Variants in DAPK2 observed in about 807,000 individuals in gnomAD.
DAPK2 encodes death-associated protein kinase 2.
In DAPK2, 35 loss-of-function variants were observed where a neutral mutation model predicts 44.1. The observed-to-expected ratio is 0.79, with a 90% CI of 0.61 to 1.05. DAPK2 has a LOEUF of 1.05. Among genes scored for constraint, DAPK2 ranks in the 50% least tolerant of loss-of-function variants. The pLI is 0.00. For missense variants in DAPK2, 453 were observed against 483.2 expected, an observed-to-expected ratio of 0.94 and a Z score of 0.59; for synonymous variants, 174 against 182.6, an observed-to-expected ratio of 0.95 and a Z score of 0.38.
intron 1 of DAPK2, among the ~76,000 whole-genome samples, chr15:63,984,518 G>A (rs571395715): frequency 6.6e-6 from 1 of 152,114 alleles, no homozygotes; most frequent in African/African-American, 2.4e-5. Context: ...TGCTCCAGGG[G>A]CCCTCCCCAC....
Position 63,990,304 on chromosome 15 carries a change from C to G in DAPK2, c.93-6550G>C, listed in dbSNP as rs1376790723. On this transcript the variant is annotated intron_variant, in intron 1 of 10. Coordinates refer to ENST00000261891, the Ensembl canonical transcript of DAPK2. This position sits in a 1 kb window ranked among gnomAD's most constrained non-coding sequence, Gnocchi z 4.3. ...ATTAGCTGGGCATGGTGGTGCACAC[C>G]TGTAGTCCCAACTACTCGAAGGGTG... is the stretch of plus-strand genomic sequence containing the variant. 2.6e-5 allele frequency among the ~76,000 whole-genome samples: 4 copies of G among 152,122 alleles called. No individual in the cohort carries two copies. The East Asian group carries it at 7.7e-4, about 29-fold the overall frequency.
intron 4 of DAPK2, among the ~76,000 whole-genome samples, chr15:63,934,584 G>A (rs2077084068): frequency 6.6e-6 from 1 of 151,358 alleles, no homozygotes; most frequent in South Asian, 2.1e-4. Flanking sequence ...TTTTGAGACA[G>A]ACTCTCACTG....
chr15:64,001,357 C>T (rs2079080771), intron 1 of DAPK2, among the ~76,000 whole-genome samples: 1 of 152,160 alleles, frequency 6.6e-6, no homozygotes, highest in Non-Finnish European at 1.5e-5. Context: ...AGAACAGTTA[C>T]CGTATGTGAT....
chr15:63,980,260 A>C lies in DAPK2; in HGVS notation c.314+3273T>G, dbSNP rs2078465922. Among the ~76,000 whole-genome samples, 1 of 152,204 alleles carries C rather than the reference A, an allele frequency of 6.6e-6. No homozygotes were observed. The highest frequency in any genetic ancestry group is 1.9e-4 in the East Asian group (1 of 5,202). On this transcript the variant is annotated intron_variant, in intron 2 of 10. Coordinates refer to ENST00000261891, the Ensembl canonical transcript of DAPK2. This position sits in a 1 kb window ranked among gnomAD's most constrained non-coding sequence, Gnocchi z 4.3. Reference sequence around the variant, plus strand: ...GAGCCCTGTTGGGAAAAACACAGACATCTCAAGAGCATTTACCTGCCACAT... The same window carrying C: ...GAGCCCTGTTGGGAAAAACACAGACCTCTCAAGAGCATTTACCTGCCACAT...
rs751637753 is a variant in DAPK2, at chr15:63,971,577, G to T, written c.315-16C>A. 1.1e-5 allele frequency: 17 copies of T among 1,612,828 alleles called. No individual in the cohort carries two copies. The highest frequency in any genetic ancestry group is 1.4e-5 in the Non-Finnish European group (16 of 1,179,352). On this transcript the variant is annotated splice_polypyrimidine_tract_variant and intron_variant, in intron 2 of 10. Coordinates refer to ENST00000261891, the Ensembl canonical transcript of DAPK2. ...TCCAGACACTCTGTAAAACACCAGCGGGGGGAGGGGAGGCCCAGGCCCAGT... is the reference window on the plus strand; with the variant it reads ...TCCAGACACTCTGTAAAACACCAGCTGGGGGAGGGGAGGCCCAGGCCCAGT...
chr15:63,928,939 A>G (rs2140358141), intron 6 of DAPK2, among the ~76,000 whole-genome samples: 1 of 152,338 alleles, frequency 6.6e-6, no homozygotes, highest in South Asian at 2.1e-4. Context: ...ACAGTGGCTC[A>G]TACCTGTAAT....
At chr15:63,921,627 C>T (rs11635779) in intron 8 of DAPK2, 70,163 of 152,092 alleles carry the variant, frequency 0.46, 17,796 homozygotes, top group East Asian at 0.94. Context: ...TGTGGCCTTG[C>T]GCTTCCCCAT....
rs575388787 is a variant in DAPK2 at position 64,018,209 on chromosome 15, C to T, written c.92+21961G>A. Among the ~76,000 whole-genome samples the T allele has an allele frequency of 4.6e-5, 7 of 152,218 alleles. No individual in the cohort carries two copies. The South Asian group carries it at 6.2e-4, about 14-fold the overall frequency. On this transcript the variant is annotated intron_variant, in intron 1 of 10. Transcript: ENST00000261891. ...GCAGGCCCCTGGTTCCCTGGTGAGG[C>T]GGGCAGACAAGCATTCTCAAATGAC...
At chr15:64,000,190 CACACACACACACA>C (rs1214274414) in intron 1 of DAPK2, among the ~76,000 whole-genome samples, 2 of 57,514 alleles carry the variant, frequency 3.5e-5, no homozygotes, top group African/African-American at 6.8e-5. Flanking sequence ...TACTACTACA[CACACACACACACA>C]CACACACACA....
At chr15:63,988,128 C>T (rs2078715119) in intron 1 of DAPK2, among the ~76,000 whole-genome samples, 1 of 152,144 alleles carries the variant, frequency 6.6e-6, no homozygotes, top group Non-Finnish European at 1.5e-5. Context: ...GTCAGGAACA[C>T]ACCCCTCTTC....
At chr15:64,026,651 G>A (rs1001790947) in intron 1 of DAPK2, among the ~76,000 whole-genome samples, 20 of 152,130 alleles carry the variant, frequency 1.3e-4, no homozygotes, top group African/African-American at 3.9e-4. Context: ...TACCTGCTTC[G>A]CCAAATGGTA....
At chr15:63,949,386 G>A (rs1489941888) in intron 3 of DAPK2, among the ~76,000 whole-genome samples, 1 of 152,144 alleles carries the variant, frequency 6.6e-6, no homozygotes, top group South Asian at 2.1e-4. Context: ...TTCAGTCCTG[G>A]GCTAAGCAGC....
chr15:63,952,106 G>A (rs966789577), intron 3 of DAPK2, among the ~76,000 whole-genome samples: 3 of 152,168 alleles, frequency 2.0e-5, no homozygotes, highest in African/African-American at 7.2e-5. Context: ...CAGGCGTGGT[G>A]ACAGATGCCT....
At chr15:63,956,590 A>AT (rs1006073091) in intron 3 of DAPK2, among the ~76,000 whole-genome samples, 227 of 143,698 alleles carry the variant, frequency 1.6e-3, no homozygotes, top group East Asian at 2.2e-3. Flanking sequence ...TTCAATTTAA[A>AT]TTTTTTTTTT....
At chr15:63,934,700 A>C (rs1480851966) in intron 4 of DAPK2, among the ~76,000 whole-genome samples, 1 of 152,036 alleles carries the variant, frequency 6.6e-6, no homozygotes, top group African/African-American at 2.4e-5. Flanking sequence ...TGGGACTACA[A>C]GTGTGAGCCA....
intron 1 of DAPK2, among the ~76,000 whole-genome samples, chr15:63,997,594 G>A (rs2078982599): frequency 6.6e-6 from 1 of 152,190 alleles, no homozygotes. Flanking sequence ...GCTTTCCAAA[G>A]TGCTGGGATT....
chr15:63,993,886 C>T lies in DAPK2; in HGVS notation c.93-10132G>A, dbSNP rs564922348. On this transcript the variant is annotated intron_variant, in intron 1 of 10. Coordinates refer to ENST00000261891, the Ensembl canonical transcript of DAPK2. ...AGGTATCATATGTTTCATATTGATA[C>T]ATATGAAACATTCCACAGACACACA... is the stretch of plus-strand genomic sequence containing the variant. 1.1e-4 allele frequency among the ~76,000 whole-genome samples: 17 copies of T among 152,204 alleles called. No homozygotes were observed. The South Asian group carries it at 3.5e-3, about 32-fold the overall frequency.
chr15:64,010,644 G>T (rs996740510), intron 1 of DAPK2, among the ~76,000 whole-genome samples: 2 of 152,100 alleles, frequency 1.3e-5, no homozygotes, highest in African/African-American at 4.8e-5. Context: ...CACTTTAATT[G>T]TTCTGAGCCC....
At chr15:63,922,703 C>T in intron 8 of DAPK2, 1 of 1,490,250 alleles carries the variant, frequency 6.7e-7, no homozygotes, top group East Asian at 2.5e-5. Context: ...CTGCAAACCT[C>T]TTGGGATGCA....
Sources: gnomAD v4.1 joint callset for allele counts (sites outside exome capture counted in the v4.1 genomes callset) on GRCh38, gnomAD v4.1.1 for gene constraint, Gnocchi (gnomAD v3.1) non-coding constraint, MANE v1.5 for transcripts, NCBI Gene and HGNC (gene_info 2026-07-23, HGNC 2026-07-21) for gene names.